Variants in TTC7A observed in about 807,000 individuals in gnomAD.
TTC7A encodes tetratricopeptide repeat domain 7A.
TTC7A carries 110 observed loss-of-function variants against 103.7 expected under a neutral mutation model. The ratio of observed to expected loss-of-function variants is 1.06; its 90% CI spans 0.91 to 1.24. The LOEUF is 1.24. Ranked by LOEUF, TTC7A falls within the 50% of genes most tolerant of loss-of-function variation. TTC7A has a pLI of 0.00. For missense variants in TTC7A, 1,340 were observed against 1,116.3 expected (o/e 1.20, Z -2.86); for synonymous variants, 521 against 467.9 (o/e 1.11, Z -1.47).
chr2:46,974,143 G>A (rs1304289049), intron 3 of TTC7A, among the ~76,000 whole-genome samples: 1 of 152,216 alleles, frequency 6.6e-6, no homozygotes, highest in East Asian at 1.9e-4. Context: ...ATTAACAAGA[G>A]CGAGGTCTGG....
chr2:46,946,554 G>A (rs957166751), intron 1 of TTC7A, among the ~76,000 whole-genome samples: 2 of 152,118 alleles, frequency 1.3e-5, no homozygotes, highest in African/African-American at 2.4e-5. Context: ...CTTCCAAGTA[G>A]CTGGGACTCT....
chr2:47,057,415 A>G (rs1235615267), intron 18 of TTC7A, among the ~76,000 whole-genome samples: 1 of 152,192 alleles, frequency 6.6e-6, no homozygotes, highest in Non-Finnish European at 1.5e-5. Context: ...GGCCTCTGGA[A>G]GAACCAGGGC....
At chr2:47,035,885 C>G (rs1373866665) in intron 15 of TTC7A, among the ~76,000 whole-genome samples, 4 of 152,174 alleles carry the variant, frequency 2.6e-5, no homozygotes, top group African/African-American at 4.8e-5. Context: ...AGTGGGAGAT[C>G]TTCAGGTCCC....
intron 15 of TTC7A, among the ~76,000 whole-genome samples, chr2:47,042,700 G>GTATA (rs1229620236): frequency 7.3e-6 from 1 of 137,120 alleles, no homozygotes; most frequent in Admixed American, 7.2e-5. Context: ...GTGTGTGTGT[G>GTATA]TGTATATATA....
chr2:46,925,026 T>C (rs1167194055), intron 2 of TTC7A, among the ~76,000 whole-genome samples: 1 of 152,238 alleles, frequency 6.6e-6, no homozygotes, highest in African/African-American at 2.4e-5. Context: ...CTTCAACAAA[T>C]TGGCCTTTAG....
rs1685012678 is a variant in TTC7A, at chr2:47,074,032, C to A, written c.*109C>A. 8.7e-6 allele frequency: 7 copies of A among 805,578 alleles called. No individual in the cohort carries two copies. Among genetic ancestry groups the A allele is most frequent in the Admixed American group, 7.6e-5 (3 of 39,438 alleles). 49.9% of individuals were successfully genotyped at this position (805,578 alleles called of 1,614,324 possible). On this transcript the variant is annotated 3_prime_UTR_variant, in exon 20 of 20. Transcript: ENST00000319190. Reference sequence around the variant, plus strand: ...TCAGGTGCGGGGCCTCAGGGAAATACATCTTTAGTGAACGCCTCTGCAGCT... The same window carrying A: ...TCAGGTGCGGGGCCTCAGGGAAATAAATCTTTAGTGAACGCCTCTGCAGCT...
intron 11 of TTC7A, among the ~76,000 whole-genome samples, chr2:47,020,622 G>A (rs1572930990): frequency 6.6e-6 from 1 of 152,358 alleles, no homozygotes; most frequent in African/African-American, 2.4e-5. Context: ...GTCGGGCATG[G>A]TGGGCAGACA....
intron 2 of TTC7A, among the ~76,000 whole-genome samples, chr2:46,923,499 G>T (rs1427428425): frequency 2.0e-5 from 3 of 152,194 alleles, no homozygotes; most frequent in African/African-American, 7.2e-5. Flanking sequence ...ATCACAGAAG[G>T]TATAGGCCTT....
chr2:47,007,913 C>T lies in TTC7A; in HGVS notation c.1287+1189C>T, dbSNP rs1677595961. On this transcript the variant is annotated intron_variant, in intron 10 of 19. Coordinates refer to ENST00000319190, the MANE Select transcript of TTC7A (RefSeq NM_020458.4). This position sits in a 1 kb window ranked among gnomAD's most constrained non-coding sequence, Gnocchi z 4.9. Reference sequence around the variant, plus strand: ...GGAGAATTCAGAACACAGGGCAAGGCCCTGGCCCTCCAAGGGTTAGAGAGT... The same window carrying T: ...GGAGAATTCAGAACACAGGGCAAGGTCCTGGCCCTCCAAGGGTTAGAGAGT... Among the ~76,000 whole-genome samples the T allele has an allele frequency of 6.6e-6, 1 of 152,240 alleles. No homozygotes were observed. The highest frequency in any genetic ancestry group is 2.4e-5 in the African/African-American group (1 of 41,462).
At chr2:47,009,060 C>T (rs1196061422) in intron 10 of TTC7A, among the ~76,000 whole-genome samples, 1 of 152,078 alleles carries the variant, frequency 6.6e-6, no homozygotes, top group Non-Finnish European at 1.5e-5. Flanking sequence ...AGTTCAGCAG[C>T]CATGAGAAGG....
upstream of TTC7A, among the ~76,000 whole-genome samples, chr2:46,938,784 C>T (rs952704143): frequency 8.6e-5 from 13 of 151,700 alleles, no homozygotes; most frequent in African/African-American, 2.9e-4. Context: ...GAGGCCAAGG[C>T]GGGCAGATCA....
At chr2:47,013,969 G>A (rs995054299) in intron 11 of TTC7A, among the ~76,000 whole-genome samples, 2 of 152,174 alleles carry the variant, frequency 1.3e-5, no homozygotes, top group Non-Finnish European at 2.9e-5. Context: ...TGATCTGGAA[G>A]CTTCACCCCC....
chr2:46,923,112 C>G (rs1189638309), intron 2 of TTC7A, among the ~76,000 whole-genome samples: 1 of 152,196 alleles, frequency 6.6e-6, no homozygotes, highest in Non-Finnish European at 1.5e-5. Flanking sequence ...CCCTCCTGGC[C>G]TGTGGATGTC....
intron 17 of TTC7A, chr2:47,050,609 T>G (rs929000128): frequency 6.5e-6 from 1 of 153,570 alleles, no homozygotes; most frequent in Non-Finnish European, 1.5e-5. Context: ...TTGTATTTAG[T>G]GGAATTGCTC....
chr2:46,927,279 A>G (rs1457679393), intron 2 of TTC7A, among the ~76,000 whole-genome samples: 1 of 152,156 alleles, frequency 6.6e-6, no homozygotes, highest in Non-Finnish European at 1.5e-5. Flanking sequence ...ATGAAAAGAA[A>G]CCTAAGCTAA....
rs1676625779 is a variant in TTC7A, at chr2:46,999,963, C to T, written c.1065+4764C>T. 5 of 943,500 alleles carry T rather than the reference C, an allele frequency of 5.3e-6. No individual in the cohort carries two copies. The South Asian group carries it at 1.9e-4, about 37-fold the overall frequency. 58.4% of individuals were successfully genotyped at this position (943,500 alleles called of 1,614,324 possible). ...GCCATGCCCAATGCTGGGCATCTGG[C>T]TGTTTGAATCTTGAATTTACCATTC... On this transcript the variant is annotated intron_variant, in intron 8 of 19. Coordinates refer to ENST00000319190, the MANE Select transcript of TTC7A (RefSeq NM_020458.4).
At chr2:47,070,911 A>C (rs1276626705) in intron 19 of TTC7A, among the ~76,000 whole-genome samples, 6 of 152,166 alleles carry the variant, frequency 3.9e-5, no homozygotes, top group African/African-American at 1.2e-4. Flanking sequence ...AGGGACGGTC[A>C]AAAACTGGAA....
intron 16 of TTC7A, among the ~76,000 whole-genome samples, chr2:47,048,709 C>T (rs905808011): frequency 2.6e-5 from 4 of 152,154 alleles, no homozygotes; most frequent in Admixed American, 2.6e-4. Flanking sequence ...CTTAAGCAAT[C>T]CTCCTGCCTC....
intron 16 of TTC7A, among the ~76,000 whole-genome samples, chr2:47,048,837 A>T (rs1271496981): frequency 1.3e-5 from 2 of 152,172 alleles, no homozygotes; most frequent in Admixed American, 6.5e-5. Context: ...TCTTGCCCTC[A>T]GGTGATCCTC....
Sources: allele counts gnomAD v4.1 joint callset (sites outside exome capture counted in the v4.1 genomes callset), GRCh38; gene constraint gnomAD v4.1.1; non-coding constraint Gnocchi (gnomAD v3.1); transcripts MANE v1.5; gene names NCBI Gene and HGNC (gene_info 2026-07-23, HGNC 2026-07-21).